KIF26B: variants seen among roughly 807,000 people sequenced by gnomAD.
KIF26B encodes kinesin family member 26B.
Under a neutral mutation model 151.2 loss-of-function variants are expected in KIF26B, and 63 were observed. The ratio of observed to expected loss-of-function variants is 0.42; its 90% CI spans 0.34 to 0.51. The LOEUF is 0.51. Ranked by LOEUF, KIF26B falls within the 20% of genes least tolerant of loss-of-function variation. The probability of loss-of-function intolerance (pLI) is 0.07; values close to 1 mark genes in which losing one functional copy is unlikely to be tolerated. For synonymous variants in KIF26B, 1,357 were observed against 1,262.1 expected, an observed-to-expected ratio of 1.08 and a Z score of -1.59; for missense variants, 2,813 against 2,913.6, an observed-to-expected ratio of 0.97 and a Z score of 0.79.
At chr1:245,624,371 C>T (rs1004340331) in intron 9 of KIF26B, among the ~76,000 whole-genome samples, 3 of 151,970 alleles carry the variant, frequency 2.0e-5, no homozygotes, top group African/African-American at 4.8e-5. Context: ...TCCCAAAGTG[C>T]TTGTACTATT....
intron 2 of KIF26B, among the ~76,000 whole-genome samples, chr1:245,297,065 A>G (rs1671349262): frequency 1.3e-5 from 2 of 149,288 alleles, no homozygotes; most frequent in Non-Finnish European, 3.0e-5. Context: ...TGTGAAGGCC[A>G]GGCATGGTGG....
intron 5 of KIF26B, among the ~76,000 whole-genome samples, chr1:245,567,374 G>GGGC (rs1436010816): frequency 6.6e-6 from 1 of 152,144 alleles, no homozygotes; most frequent in East Asian, 1.9e-4. Flanking sequence ...GTCCAGTGAT[G>GGGC]GACGAAGCTG....
chr1:245,245,216 C>A (rs944600011), intron 2 of KIF26B, among the ~76,000 whole-genome samples: 1 of 152,190 alleles, frequency 6.6e-6, no homozygotes, highest in African/African-American at 2.4e-5. Flanking sequence ...TCTGAGCGAT[C>A]TGGCCTTTGT....
chr1:245,436,972 C>T (rs1340074307), intron 4 of KIF26B, among the ~76,000 whole-genome samples: 1 of 149,244 alleles, frequency 6.7e-6, no homozygotes, highest in African/African-American at 2.4e-5. Flanking sequence ...CTGCAACCTC[C>T]ACCTCCTGGG....
intron 3 of KIF26B, among the ~76,000 whole-genome samples, chr1:245,406,325 A>G (rs991213258): frequency 2.6e-5 from 4 of 152,152 alleles, no homozygotes; most frequent in Non-Finnish European, 5.9e-5. Context: ...ACCCTTTGCT[A>G]GGCACTAGGA....
intron 2 of KIF26B, among the ~76,000 whole-genome samples, chr1:245,305,370 T>C (rs958414949): frequency 6.6e-6 from 1 of 152,132 alleles, no homozygotes; most frequent in Non-Finnish European, 1.5e-5. Flanking sequence ...GTACCCAGAA[T>C]ATATGAAAGA....
rs538078040 is a variant in KIF26B, at chr1:245,173,166, G to C, written c.465+16483G>C. ...CCAGTCACAAAGACAAATATTATAT[G>C]ATTCTGGTGATATGAGATACTTAGT... On this transcript the variant is annotated intron_variant, in intron 2 of 14. Coordinates refer to ENST00000407071, the MANE Select transcript of KIF26B (RefSeq NM_018012.4). Among the ~76,000 whole-genome samples, 8 of 152,326 alleles carry C rather than the reference G, an allele frequency of 5.3e-5. No individual in the cohort carries two copies. The East Asian group carries it at 1.5e-3, about 29-fold the overall frequency.
chr1:245,586,776 C>T (rs2043230154), intron 5 of KIF26B, among the ~76,000 whole-genome samples: 1 of 151,524 alleles, frequency 6.6e-6, no homozygotes. Flanking sequence ...GTCCCAGCTA[C>T]TCGGGAGGCT....
intron 4 of KIF26B, among the ~76,000 whole-genome samples, chr1:245,477,388 A>G (rs1356645494): frequency 6.6e-6 from 1 of 151,656 alleles, no homozygotes; most frequent in Non-Finnish European, 1.5e-5. Flanking sequence ...TCCTGCCTTC[A>G]GGCAGCTTAG....
chr1:245,365,385 C>A (rs148238518), intron 2 of KIF26B, among the ~76,000 whole-genome samples: 1 of 152,106 alleles, frequency 6.6e-6, no homozygotes, highest in African/African-American at 2.4e-5. Context: ...TTAATCAGTG[C>A]GTGCTGAGGA....
chr1:245,450,735 T>C (rs192220987), intron 4 of KIF26B, among the ~76,000 whole-genome samples: 15 of 152,342 alleles, frequency 9.8e-5, no homozygotes, highest in South Asian at 6.2e-4. Flanking sequence ...TGGCACATCT[T>C]CGTAGGACAT....
chr1:245,705,484 A>T lies in KIF26B; in HGVS notation c.*2878A>T, dbSNP rs1298146860. 1 of 152,178 alleles carries T rather than the reference A, an allele frequency of 6.6e-6. No individual in the cohort carries two copies. The highest frequency in any genetic ancestry group is 1.5e-5 in the Non-Finnish European group (1 of 68,038). The allele number at this position is 152,178 out of a possible 1,614,324, so 9.4% of individuals were successfully genotyped here. ...AGGATGCCTTACCCAGTGGCCAGAC[A>T]TGATAGTTCCAGGTCTCCCCTTGGT... On this transcript the variant is annotated 3_prime_UTR_variant, in exon 15 of 15. Coordinates refer to ENST00000407071, the MANE Select transcript of KIF26B (RefSeq NM_018012.4).
At position 245,705,282 on chromosome 1, in the gene KIF26B, T is replaced by C. The variant is rs916234623; in HGVS notation, c.*2676T>C. Reference sequence around the variant, plus strand: ...CATTCTCTCTCTCTTCTCTTTGCTTTTTTTTGACCTAAATAAGCTGCAAAC... The same window carrying C: ...CATTCTCTCTCTCTTCTCTTTGCTTCTTTTTGACCTAAATAAGCTGCAAAC... On this transcript the variant is annotated 3_prime_UTR_variant, in exon 15 of 15. Transcript: ENST00000407071. 4.6e-5 allele frequency: 7 copies of C among 152,226 alleles called. No homozygotes were observed. Among genetic ancestry groups the C allele is most frequent in the Non-Finnish European group, 8.8e-5 (6 of 68,048 alleles). The allele number at this position is 152,226 out of a possible 1,614,324, so 9.4% of individuals were successfully genotyped here. A position where few individuals can be genotyped will look rare whatever the true frequency, so the allele number is the denominator to read the frequency against.
At chr1:245,573,002 C>A (rs2043079929) in intron 5 of KIF26B, among the ~76,000 whole-genome samples, 1 of 152,054 alleles carries the variant, frequency 6.6e-6, no homozygotes, top group Non-Finnish European at 1.5e-5. Flanking sequence ...GACATTTTGC[C>A]CAGAACCTGA....
intron 10 of KIF26B, among the ~76,000 whole-genome samples, chr1:245,661,734 C>T (rs2044142743): frequency 6.8e-6 from 1 of 147,482 alleles, no homozygotes; most frequent in South Asian, 2.1e-4. Context: ...ATATATACAC[C>T]CAGTGTTATA....
At position 245,368,561 on chromosome 1, in the gene KIF26B, C is replaced by T. The variant is rs143719188; in HGVS notation, c.999+1194C>T. On this transcript the variant is annotated intron_variant, in intron 3 of 14. Coordinates refer to ENST00000407071, the MANE Select transcript of KIF26B (RefSeq NM_018012.4). Reference sequence around the variant, plus strand: ...GTGTTTGGTAGGTGGCCTTCTGCTGCGATGTGAGGACTCAGACTAGAGACC... The same window carrying T: ...GTGTTTGGTAGGTGGCCTTCTGCTGTGATGTGAGGACTCAGACTAGAGACC... 1.1e-4 allele frequency among the ~76,000 whole-genome samples: 17 copies of T among 151,574 alleles called. 1 individual carries two copies. The highest frequency in any genetic ancestry group is 2.7e-4 in the African/African-American group (11 of 41,340).
In KIF26B at chr1:245,609,361, C is replaced by T. The variant is rs115703444; in HGVS notation, c.1747C>T (p.Arg583Cys). 9.9e-5 allele frequency: 159 copies of T among 1,610,872 alleles called. No homozygotes were observed. In the Middle Eastern group the frequency reaches 1.8e-3, roughly 18 times the overall value. Residue 583 changes from arginine (R) to cysteine (C), a missense_variant, in exon 8 of 15, where the codon CGC becomes TGC. Coordinates refer to ENST00000407071, the MANE Select transcript of KIF26B (RefSeq NM_018012.4). ...ISWLFKLINE[R>C]KEKTGARFSV... ...TTGGCTCTTCAAGCTCATAAACGAA[C>T]GCAAGGAAAAGACCGGCGCCCGTTT...
chr1:245,412,884 C>T (rs561310193), intron 3 of KIF26B, among the ~76,000 whole-genome samples: 22 of 152,312 alleles, frequency 1.4e-4, no homozygotes, highest in African/African-American at 3.1e-4. Flanking sequence ...CACATGTACA[C>T]GCACATGCAC....
chr1:245,256,325 A>G (rs1338077044), intron 2 of KIF26B, among the ~76,000 whole-genome samples: 5 of 152,210 alleles, frequency 3.3e-5, no homozygotes, highest in Non-Finnish European at 7.3e-5. Flanking sequence ...AGCTGCAAAC[A>G]AGAAGCTGAT....
Sources: gnomAD v4.1 joint callset for allele counts (sites outside exome capture counted in the v4.1 genomes callset) on GRCh38, gnomAD v4.1.1 for gene constraint, MANE v1.5 for transcripts, NCBI Gene and HGNC (gene_info 2026-07-23, HGNC 2026-07-21) for gene names.